CDH12: variants seen among roughly 807,000 people sequenced by gnomAD.
CDH12 encodes the protein cadherin-12.
CDH12 carries 41 observed loss-of-function variants against 74.1 expected under a neutral mutation model. That is an observed-to-expected ratio of 0.55 (90% CI 0.43 to 0.72). The LOEUF is 0.72. CDH12 is among the 30% of genes least tolerant of loss of function. The pLI is 0.00. For synonymous variants in CDH12, 399 were observed against 355.0 expected, an observed-to-expected ratio of 1.12 and a Z score of -1.39; for missense variants, 945 against 977.2, an observed-to-expected ratio of 0.97 and a Z score of 0.44.
At chr5:21,973,385 C>G (rs1241938983) in intron 6 of CDH12, among the ~76,000 whole-genome samples, 5 of 152,082 alleles carry the variant, frequency 3.3e-5, no homozygotes, top group African/African-American at 4.8e-5. Flanking sequence ...AATTATATCC[C>G]ACTCCAACTG....
At chr5:21,822,371 G>C (rs1279556949) in intron 8 of CDH12, among the ~76,000 whole-genome samples, 1 of 151,934 alleles carries the variant, frequency 6.6e-6, no homozygotes, top group Non-Finnish European at 1.5e-5. Flanking sequence ...GTTCTAAAAA[G>C]TCGTTTTAAT....
At chr5:22,459,727 C>T (rs1458590180) in intron 2 of CDH12, among the ~76,000 whole-genome samples, 3 of 152,068 alleles carry the variant, frequency 2.0e-5, no homozygotes, top group Non-Finnish European at 4.4e-5. Context: ...GTAATCCCAG[C>T]ACTTTGAGGC....
intron 4 of CDH12, among the ~76,000 whole-genome samples, chr5:22,101,848 C>CA (rs1245131796): frequency 5.3e-5 from 8 of 152,030 alleles, no homozygotes; most frequent in Non-Finnish European, 1.2e-4. Context: ...TGAGAAAGAC[C>CA]AAATTGTACA....
intron 5 of CDH12, among the ~76,000 whole-genome samples, chr5:21,996,854 T>A (rs902689748): frequency 1.2e-4 from 18 of 152,044 alleles, no homozygotes; most frequent in African/African-American, 3.9e-4. Context: ...CTGCCAGGAT[T>A]AGAAAGGATG....
chr5:22,675,870 C>CTTATATATATATATATATATATATATAT (rs1554058176), intron 1 of CDH12, among the ~76,000 whole-genome samples: 1 of 92,156 alleles, frequency 1.1e-5, no homozygotes, highest in African/African-American at 4.0e-5. Flanking sequence ...TTTTGTATCT[C>CTTATATATATATATATATATATATATAT]ATATATATAT....
intron 6 of CDH12, among the ~76,000 whole-genome samples, chr5:21,966,226 G>T (rs1165066546): frequency 6.7e-6 from 1 of 149,570 alleles, no homozygotes; most frequent in Non-Finnish European, 1.5e-5. Context: ...TTCCTCATAG[G>T]TCGATTTAAA....
In CDH12 at chr5:21,872,714, A is replaced by G. The variant is rs116545620; in HGVS notation, c.527-17924T>C. ...AGTTCCTGTGACTAATTAGAGTTTA[A>G]TGTACACCCTACATACCTAACATTA... On this transcript the variant is annotated intron_variant, in intron 6 of 14. Transcript: ENST00000382254. Among the ~76,000 whole-genome samples, 1,088 of 152,236 alleles carry G rather than the reference A, an allele frequency of 7.1e-3. 14 individuals are homozygous for G. Among genetic ancestry groups the G allele is most frequent in the African/African-American group, 0.025 (1,019 of 41,522 alleles).
At chr5:21,871,006 A>G (rs1387609350) in intron 6 of CDH12, among the ~76,000 whole-genome samples, 3 of 152,246 alleles carry the variant, frequency 2.0e-5, no homozygotes, top group African/African-American at 7.2e-5. Context: ...TGCTGGGATT[A>G]CAGGCATGAG....
At chr5:22,641,029 A>C (rs2126870446) in intron 1 of CDH12, among the ~76,000 whole-genome samples, 1 of 152,308 alleles carries the variant, frequency 6.6e-6, no homozygotes, top group African/African-American at 2.4e-5. Context: ...TATATTAGTT[A>C]GGGTTCTCTA....
At chr5:21,764,921 T>G in intron 12 of CDH12, 57 bp downstream of exon 12, 3 of 1,563,382 alleles carry the variant, frequency 1.9e-6, no homozygotes, top group Non-Finnish European at 2.6e-6. Flanking sequence ...GACTTATAAC[T>G]TAAAACATGC....
chr5:22,795,197 A>G (rs925392497), intron 1 of CDH12, among the ~76,000 whole-genome samples: 4 of 152,184 alleles, frequency 2.6e-5, no homozygotes, highest in Admixed American at 1.3e-4. Flanking sequence ...AAAAGACAAA[A>G]TTTCAAATGA....
At chr5:22,425,112 T>C (rs1743847943) in intron 2 of CDH12, among the ~76,000 whole-genome samples, 2 of 145,286 alleles carry the variant, frequency 1.4e-5, no homozygotes, top group African/African-American at 5.0e-5. Flanking sequence ...AATTTTTACA[T>C]ATGAAATGAT....
intron 5 of CDH12, among the ~76,000 whole-genome samples, chr5:22,011,626 C>T (rs1360638989): frequency 1.3e-5 from 2 of 152,124 alleles, no homozygotes; most frequent in African/African-American, 2.4e-5. Context: ...ACTTTGTATA[C>T]TAACTTAGTC....
At chr5:22,679,709 C>A (rs566379905) in intron 1 of CDH12, among the ~76,000 whole-genome samples, 1 of 152,148 alleles carries the variant, frequency 6.6e-6, no homozygotes, top group East Asian at 1.9e-4. Flanking sequence ...TATGAATCAT[C>A]ATTTGCCCTT....
At chr5:22,318,494 A>C (rs765589127) in intron 3 of CDH12, among the ~76,000 whole-genome samples, 6 of 152,170 alleles carry the variant, frequency 3.9e-5, no homozygotes, top group Non-Finnish European at 5.9e-5. Context: ...TATGAGTATC[A>C]TTTATCAAAG....
At chr5:21,919,128 G>A (rs971207730) in intron 6 of CDH12, among the ~76,000 whole-genome samples, 4 of 152,026 alleles carry the variant, frequency 2.6e-5, no homozygotes, top group Non-Finnish European at 2.9e-5. Flanking sequence ...ATGTCTCAAA[G>A]TATTTACAAA....
At chr5:22,817,359 C>A (rs1749444243) in intron 1 of CDH12, among the ~76,000 whole-genome samples, 1 of 151,950 alleles carries the variant, frequency 6.6e-6, no homozygotes, top group Admixed American at 6.6e-5. Flanking sequence ...ATATTTTCTT[C>A]AAATTCATCA....
intron 3 of CDH12, among the ~76,000 whole-genome samples, chr5:22,401,779 G>A (rs1742739059): frequency 6.6e-6 from 1 of 152,060 alleles, no homozygotes; most frequent in Admixed American, 6.6e-5. Context: ...GACTAGGTTG[G>A]GCCTAACATC....
intron 1 of CDH12, among the ~76,000 whole-genome samples, chr5:22,720,084 C>A (rs942416092): frequency 6.6e-5 from 10 of 151,824 alleles, no homozygotes; most frequent in Admixed American, 6.6e-4. Flanking sequence ...TAGAAAATAT[C>A]TTTGTGACAC....
Sources: gnomAD v4.1 joint callset for allele counts (sites outside exome capture counted in the v4.1 genomes callset) on GRCh38, gnomAD v4.1.1 for gene constraint, MANE v1.5 for transcripts, NCBI Gene and HGNC (gene_info 2026-07-23, HGNC 2026-07-21) for gene names.